The following FHIT variants were observed in gnomAD, a reference collection of about 807,000 sequenced individuals.
FHIT encodes bis(5'-adenosyl)-triphosphatase.
A neutral mutation model predicts 17.9 loss-of-function variants in FHIT; 19 were observed. That is an observed-to-expected ratio of 1.06 (90% CI 0.74 to 1.56). The LOEUF is 1.56. Among genes scored for constraint, FHIT ranks in the 40% most tolerant of loss-of-function variants. The pLI is 0.00. For synonymous variants in FHIT, 81 were observed against 69.7 expected (o/e 1.16, Z -0.81); for missense variants, 248 against 189.2 (o/e 1.31, Z -1.82).
intron 3 of FHIT, among the ~76,000 whole-genome samples, chr3:60,965,692 G>C (rs1234527961): frequency 1.3e-5 from 2 of 152,202 alleles, no homozygotes; most frequent in Admixed American, 1.3e-4. Flanking sequence ...GTTGGAGTTT[G>C]CTGGAGGTCC....
At chr3:59,770,695 G>T (rs1575466542) in intron 8 of FHIT, among the ~76,000 whole-genome samples, 1 of 152,298 alleles carries the variant, frequency 6.6e-6, no homozygotes, top group Non-Finnish European at 1.5e-5. Context: ...GATTACGGCA[G>T]CCCTAGCCCT....
In FHIT at chr3:60,807,419, GA is replaced by G. The variant is rs568345161; in HGVS notation, c.-18+14499del. On this transcript the variant is annotated intron_variant, in intron 4 of 9. Coordinates refer to ENST00000492590, the MANE Select transcript of FHIT (RefSeq NM_002012.4). ...GACACCCTGTCTCTACAAAAAAAAAGAAAAAAAAAAAGAAATTAAATTAGCT... is the reference window on the plus strand; with the variant it reads ...GACACCCTGTCTCTACAAAAAAAAAGAAAAAAAAAAGAAATTAAATTAGCT... 3.2e-3 allele frequency among the ~76,000 whole-genome samples: 441 copies of G among 139,320 alleles called. 5 individuals are homozygous for G. In the South Asian group the frequency reaches 0.035, roughly 11 times the overall value. The allele number at this position is 139,320 out of a possible 152,430, so 91.4% of individuals were successfully genotyped here. A position where few individuals can be genotyped will look rare whatever the true frequency, so the allele number is the denominator to read the frequency against.
chr3:60,333,809 C>T (rs559096050), intron 5 of FHIT, among the ~76,000 whole-genome samples: 10 of 152,124 alleles, frequency 6.6e-5, no homozygotes, highest in Non-Finnish European at 1.5e-4. Flanking sequence ...TCAGGCCTCC[C>T]AGATAGGATC....
chr3:59,787,373 G>A (rs142785838), intron 8 of FHIT, among the ~76,000 whole-genome samples: 306 of 151,606 alleles, frequency 2.0e-3, no homozygotes, highest in South Asian at 9.4e-3. Flanking sequence ...TGGTTTTCAC[G>A]TACCCATAAC....
chr3:60,445,631 G>A (rs562808456), intron 5 of FHIT, among the ~76,000 whole-genome samples: 1 of 152,006 alleles, frequency 6.6e-6, no homozygotes, highest in South Asian at 2.1e-4. Flanking sequence ...ACATTCCCAG[G>A]AAGCCACTCA....
chr3:61,032,812 C>A (rs1446771306), intron 3 of FHIT, among the ~76,000 whole-genome samples: 1 of 152,148 alleles, frequency 6.6e-6, no homozygotes, highest in Non-Finnish European at 1.5e-5. Flanking sequence ...TGGCCCATGC[C>A]ATTATGGAGG....
chr3:59,987,810 G>A (rs1381968415), intron 7 of FHIT, among the ~76,000 whole-genome samples: 1 of 151,942 alleles, frequency 6.6e-6, no homozygotes, highest in Non-Finnish European at 1.5e-5. Context: ...AAAGTGAAGG[G>A]ATATTTCAAG....
At chr3:59,903,704 G>A (rs1408987706) in intron 8 of FHIT, among the ~76,000 whole-genome samples, 1 of 152,172 alleles carries the variant, frequency 6.6e-6, no homozygotes, top group East Asian at 1.9e-4. Context: ...TAAAGGAGGA[G>A]GCAAAGGAGA....
intron 5 of FHIT, among the ~76,000 whole-genome samples, chr3:60,403,112 G>A (rs933768642): frequency 6.6e-6 from 1 of 152,154 alleles, no homozygotes; most frequent in Admixed American, 6.5e-5. Context: ...GCGTTCAAGT[G>A]GTACTTACTT....
chr3:59,865,775 A>G, intron 8 of FHIT, among the ~76,000 whole-genome samples: 1 of 152,222 alleles, frequency 6.6e-6, no homozygotes, highest in East Asian at 1.9e-4. Flanking sequence ...AAATGTACCC[A>G]GCCACTCCTT....
At chr3:60,138,503 A>G (rs7623479) in intron 5 of FHIT, among the ~76,000 whole-genome samples, 69,823 of 151,994 alleles carry the variant, frequency 0.46, 17,018 homozygotes, top group Middle Eastern at 0.55. Context: ...ACAAGTTAAT[A>G]ATAACCTTTT....
At chr3:60,456,954 T>C (rs1005837659) in intron 5 of FHIT, among the ~76,000 whole-genome samples, 72 of 152,212 alleles carry the variant, frequency 4.7e-4, no homozygotes, top group Admixed American at 9.8e-4. Context: ...TGGAAGAACA[T>C]TCCATGCTCA....
Position 60,446,793 on chromosome 3 carries a change from C to T in FHIT, c.103+90067G>A, listed in dbSNP as rs141892683. 3.6e-3 allele frequency among the ~76,000 whole-genome samples: 541 copies of T among 151,432 alleles called. 7 individuals are homozygous for T. The highest frequency in any genetic ancestry group is 0.021 in the Middle Eastern group (6 of 292). On this transcript the variant is annotated intron_variant, in intron 5 of 9. Coordinates refer to ENST00000492590, the MANE Select transcript of FHIT (RefSeq NM_002012.4). Reference sequence around the variant, plus strand: ...GCTTGAGCCCAGGAGTTTGAGGTTGCAGTGAGCTATGATCATTCTACTGCA... The same window carrying T: ...GCTTGAGCCCAGGAGTTTGAGGTTGTAGTGAGCTATGATCATTCTACTGCA...
chr3:60,858,323 TG>T (rs1180835085), intron 3 of FHIT, among the ~76,000 whole-genome samples: 1 of 152,136 alleles, frequency 6.6e-6, no homozygotes, highest in Non-Finnish European at 1.5e-5. Flanking sequence ...CCCATTTCAA[TG>T]GCACAAAATA....
chr3:60,449,248 C>T (rs1296983897), intron 5 of FHIT, among the ~76,000 whole-genome samples: 3 of 152,100 alleles, frequency 2.0e-5, no homozygotes, highest in African/African-American at 7.2e-5. Flanking sequence ...ACCAGTGCCC[C>T]GGTCTGTATG....
intron 5 of FHIT, among the ~76,000 whole-genome samples, chr3:60,370,547 C>T (rs570583661): frequency 1.3e-5 from 2 of 152,222 alleles, no homozygotes; most frequent in Admixed American, 6.5e-5. Flanking sequence ...CTCTTGTTCC[C>T]GCAAAAATCT....
chr3:59,933,108 GA>G (rs1218120933), intron 7 of FHIT, among the ~76,000 whole-genome samples: 1 of 152,102 alleles, frequency 6.6e-6, no homozygotes, highest in Non-Finnish European at 1.5e-5. Context: ...CAAAGACATG[GA>G]AATAAATGCA....
intron 5 of FHIT, among the ~76,000 whole-genome samples, chr3:60,078,641 A>G (rs1703139044): frequency 6.6e-6 from 1 of 152,138 alleles, no homozygotes. Flanking sequence ...TATCAAGGTT[A>G]ATTTCCTGGT....
At chr3:59,769,090 T>A (rs537431791) in intron 8 of FHIT, among the ~76,000 whole-genome samples, 13 of 152,352 alleles carry the variant, frequency 8.5e-5, no homozygotes, top group South Asian at 2.1e-4. Flanking sequence ...AAAAGGTATG[T>A]CTGTGCCTGC....
Sources: gnomAD v4.1 joint callset for allele counts (sites outside exome capture counted in the v4.1 genomes callset) on GRCh38, gnomAD v4.1.1 for gene constraint, MANE v1.5 for transcripts, NCBI Gene and HGNC (gene_info 2026-07-23, HGNC 2026-07-21) for gene names.